Variants in LOXL1 observed in about 807,000 individuals in gnomAD.
LOXL1 encodes lysyl oxidase like 1.
In LOXL1, 31 loss-of-function variants were observed where a neutral mutation model predicts 62.2. The ratio of observed to expected loss-of-function variants is 0.50; its 90% CI spans 0.37 to 0.67. The LOEUF (loss-of-function observed/expected upper bound fraction) is 0.67. Ranked by LOEUF, LOXL1 falls within the 30% of genes least tolerant of loss-of-function variation. The pLI is 0.00. For synonymous variants in LOXL1, 403 were observed against 384.4 expected (o/e 1.05, Z -0.56); for missense variants, 775 against 843.4 (o/e 0.92, Z 1.00).
intron 2 of LOXL1, 148 bp from the exon 3 acceptor site, chr15:73,946,269 G>A (rs575206832): frequency 2.9e-5 from 18 of 617,428 alleles, no homozygotes; most frequent in Non-Finnish European, 4.0e-5. Flanking sequence ...GCCACAGTTC[G>A]AGGAGACAGA....
At position 73,936,443 on chromosome 15, in the gene LOXL1, C is replaced by T. The variant is rs1353064487; in HGVS notation, c.1103-6411C>T. Among the ~76,000 whole-genome samples the T allele has an allele frequency of 2.6e-5, 4 of 152,356 alleles. No homozygotes were observed. In the East Asian group the frequency reaches 7.7e-4, roughly 29 times the overall value. ...AGGCCCTGCTCTGCAGAGCTTTCTG[C>T]TTCTCTGCCACCTAGGGGCTCCTCT... On this transcript the variant is annotated intron_variant, in intron 1 of 6. Coordinates refer to ENST00000261921, the MANE Select transcript of LOXL1 (RefSeq NM_005576.4).
In LOXL1 at chr15:73,943,019, A is replaced by G. The variant is rs2068725774; in HGVS notation, c.1211+57A>G. ...GGGATAGTCCCCGGGAGTCACCCAGAACCCAGCCTAGCTGTGGCTGCCAGC... is the reference window on the plus strand; with the variant it reads ...GGGATAGTCCCCGGGAGTCACCCAGGACCCAGCCTAGCTGTGGCTGCCAGC... On this transcript the variant is annotated intron_variant, in intron 2 of 6. Coordinates refer to ENST00000261921, the MANE Select transcript of LOXL1 (RefSeq NM_005576.4). The G allele has an allele frequency of 2.2e-6, 3 of 1,391,322 alleles. No homozygotes were observed. The Admixed American group carries it at 5.1e-5, about 23-fold the overall frequency. 86.2% of individuals were successfully genotyped at this position (1,391,322 alleles called of 1,614,324 possible).
chr15:73,951,265 C>A (rs763817392), intron 6 of LOXL1, among the ~76,000 whole-genome samples: 14 of 152,228 alleles, frequency 9.2e-5, no homozygotes. Flanking sequence ...GCAGCCTGCG[C>A]GGCCCTCCCA....
In LOXL1 at chr15:73,926,782, C is replaced by T. The variant is rs1341666020; in HGVS notation, c.-2C>T. 2.8e-6 allele frequency: 4 copies of T among 1,427,860 alleles called. No homozygotes were observed. In the South Asian group the frequency reaches 4.5e-5, roughly 16 times the overall value. The allele number at this position is 1,427,860 out of a possible 1,614,324, so 88.4% of individuals were successfully genotyped here. Reference sequence around the variant, plus strand: ...CCACCAGGCCTCTGCAGAGGGGTCACCATGGCTCTGGCCCGAGGCAGCCGG... The same window carrying T: ...CCACCAGGCCTCTGCAGAGGGGTCATCATGGCTCTGGCCCGAGGCAGCCGG... On this transcript the variant is annotated 5_prime_UTR_variant, in exon 1 of 7. Coordinates refer to ENST00000261921, the MANE Select transcript of LOXL1 (RefSeq NM_005576.4).
intron 2 of LOXL1, among the ~76,000 whole-genome samples, chr15:73,944,779 T>C (rs1530169): frequency 0.67 from 102,323 of 152,078 alleles, 35,403 homozygotes; most frequent in Non-Finnish European, 0.77. Context: ...AGGATTTAAC[T>C]GAACAGAGGG....
At position 73,926,892 on chromosome 15, in the gene LOXL1, G is replaced by T; in HGVS notation, c.109G>T (p.Ala37Ser). 3.8e-6 allele frequency: 6 copies of T among 1,563,498 alleles called. No individual in the cohort carries two copies. Among genetic ancestry groups the T allele is most frequent in the Non-Finnish European group, 5.2e-6 (6 of 1,154,854 alleles). The change falls in exon 1 of 7, where the codon GCC (alanine) becomes TCC (serine). Residue 37 changes from alanine (A) to serine (S), a missense_variant. Coordinates refer to ENST00000261921, the MANE Select transcript of LOXL1 (RefSeq NM_005576.4). ...GCAGCCCGGGCAGGGCTCGGACCCC[G>T]CCCGCTGGCGGCAGCTGATCCAGTG... is the stretch of plus-strand genomic sequence containing the variant. ...QAQPGQGSDP[A>S]RWRQLIQWEN...
At chr15:73,951,364 A>T (rs1409245179) in intron 6 of LOXL1, among the ~76,000 whole-genome samples, 2 of 152,236 alleles carry the variant, frequency 1.3e-5, no homozygotes, top group East Asian at 3.9e-4. Flanking sequence ...GCCGGGCCTT[A>T]TTAGAGTGTC....
intron 1 of LOXL1, 83 bp downstream of exon 1, chr15:73,927,968 G>T (rs2068603455): frequency 8.2e-7 from 1 of 1,214,428 alleles, no homozygotes; most frequent in Admixed American, 4.2e-5. Context: ...CCCCTCCTTA[G>T]AACTTCCTGG....
intron 1 of LOXL1, among the ~76,000 whole-genome samples, chr15:73,934,367 C>A (rs2028386): frequency 2.0e-5 from 3 of 151,956 alleles, no homozygotes; most frequent in East Asian, 1.9e-4. Context: ...ATCCCAGAAC[C>A]CTCCCTGGCC....
intron 1 of LOXL1, among the ~76,000 whole-genome samples, chr15:73,929,513 A>G (rs2068620995): frequency 6.6e-6 from 1 of 152,176 alleles, no homozygotes; most frequent in African/African-American, 2.4e-5. Context: ...TCCACTGGGA[A>G]CACTCACTCT....
intron 1 of LOXL1, among the ~76,000 whole-genome samples, chr15:73,932,815 G>A (rs546995411): frequency 8.5e-5 from 13 of 152,280 alleles, no homozygotes; most frequent in South Asian, 2.1e-4. Context: ...TTCCTTCCCC[G>A]AAGTTGTCTC....
At chr15:73,941,428 A>G (rs1367989144) in intron 1 of LOXL1, among the ~76,000 whole-genome samples, 1 of 152,142 alleles carries the variant, frequency 6.6e-6, no homozygotes, top group Admixed American at 6.5e-5. Context: ...ACTTCTGCCG[A>G]TGGCTTAGAA....
intron 5 of LOXL1, 104 bp downstream of exon 5, chr15:73,948,006 C>T (rs574078804): frequency 2.4e-4 from 192 of 795,410 alleles, no homozygotes; most frequent in Non-Finnish European, 3.3e-4. Flanking sequence ...CCCTTCTCCC[C>T]AGCTGCCGAG....
Position 73,927,562 on chromosome 15 carries a change from T to TGCCGCCGCC in LOXL1, c.789_797dup (p.Pro265_Pro267dup). On this transcript the variant is annotated inframe_insertion, in exon 1 of 7. Coordinates refer to ENST00000261921, the MANE Select transcript of LOXL1 (RefSeq NM_005576.4). Reference sequence around the variant, plus strand: ...TACCCGGCCCCCGAGAGGCCCTACGTGCCGCCGCCGCCGCCGCCCCCCGAC... The same window carrying TGCCGCCGCC: ...TACCCGGCCCCCGAGAGGCCCTACGTGCCGCCGCCGCCGCCGCCGCCGCCGCCCCCCGAC... The TGCCGCCGCC allele has an allele frequency of 3.2e-6, 4 of 1,240,728 alleles. No individual in the cohort carries two copies. Among genetic ancestry groups the TGCCGCCGCC allele is most frequent in the South Asian group, 2.6e-5 (2 of 76,762 alleles). 76.9% of individuals were successfully genotyped at this position (1,240,728 alleles called of 1,614,324 possible).
chr15:73,937,242 A>G (rs919259592), intron 1 of LOXL1, among the ~76,000 whole-genome samples: 2 of 152,234 alleles, frequency 1.3e-5, no homozygotes, highest in Non-Finnish European at 2.9e-5. Flanking sequence ...AGTCAGTGTG[A>G]CAGGTTCCTC....
Position 73,927,755 on chromosome 15 carries a change from G to C in LOXL1, c.972G>C (p.Pro324=). 2 of 1,449,486 alleles carry C rather than the reference G, an allele frequency of 1.4e-6. No homozygotes were observed. Among genetic ancestry groups the C allele is most frequent in the Non-Finnish European group, 1.8e-6 (2 of 1,107,170 alleles). 89.8% of individuals were successfully genotyped at this position (1,449,486 alleles called of 1,614,324 possible). A position where few individuals can be genotyped will look rare whatever the true frequency, so the allele number is the denominator to read the frequency against. Reference sequence around the variant, plus strand: ...CGCCGCCCGAGGCGTACGGGCCGCCGCGCGCGCTGGAGCCGCCCTACCTGC... The same window carrying C: ...CGCCGCCCGAGGCGTACGGGCCGCCCCGCGCGCTGGAGCCGCCCTACCTGC... ...ANPPPEAYGP[P]RALEPPYLPV... is the part of the protein sequence containing the mutation. Residue 324 remains proline (P), a synonymous_variant, in exon 1 of 7, where the codon CCG becomes CCC. Coordinates refer to ENST00000261921, the MANE Select transcript of LOXL1 (RefSeq NM_005576.4).
intron 1 of LOXL1, among the ~76,000 whole-genome samples, chr15:73,932,488 T>C (rs988742203): frequency 1.3e-5 from 2 of 152,250 alleles, no homozygotes; most frequent in Admixed American, 6.5e-5. Flanking sequence ...ATTTGAGTGC[T>C]AGATTCTGGG....
intron 4 of LOXL1, 61 bp downstream of exon 4, chr15:73,947,284 C>T (rs1184558382): frequency 7.8e-6 from 12 of 1,530,440 alleles, no homozygotes; most frequent in Admixed American, 7.5e-5. Context: ...AGGCAAAGAG[C>T]GAGGCCCGCT....
In LOXL1 at chr15:73,930,968, C is replaced by A. The variant is rs1550433; in HGVS notation, c.1102+3083C>A. Among the ~76,000 whole-genome samples the A allele has an allele frequency of 2.1e-3, 321 of 152,270 alleles. No homozygotes were observed. Among genetic ancestry groups the A allele is most frequent in the African/African-American group, 7.1e-3 (295 of 41,550 alleles). ...CCCAGCTGGGTCTCCTGCACTGTGT[C>A]GGCTCCCTCGATGTGACCACTCCTG... On this transcript the variant is annotated intron_variant, in intron 1 of 6. Transcript: ENST00000261921. This position sits in a 1 kb window ranked among gnomAD's most constrained non-coding sequence, Gnocchi z 4.7.
Sources: gnomAD v4.1 joint callset for allele counts (sites outside exome capture counted in the v4.1 genomes callset) on GRCh38, gnomAD v4.1.1 for gene constraint, Gnocchi (gnomAD v3.1) non-coding constraint, MANE v1.5 for transcripts, NCBI Gene and HGNC (gene_info 2026-07-23, HGNC 2026-07-21) for gene names.